The following PRKCB variants were observed in gnomAD, a reference collection of about 807,000 sequenced individuals.
The protein encoded by PRKCB is protein kinase C beta, also known as protein kinase C beta type.
Under a neutral mutation model 81.5 loss-of-function variants are expected in PRKCB, and 13 were observed. The ratio of observed to expected loss-of-function variants is 0.16; its 90% CI spans 0.10 to 0.25. The LOEUF (loss-of-function observed/expected upper bound fraction) is 0.25, where lower values mean the gene tolerates loss of function less well. PRKCB is among the 10% of genes least tolerant of loss of function. PRKCB has a pLI of 1.00. For missense variants in PRKCB, 509 were observed against 875.7 expected (o/e 0.58, Z 5.29); for synonymous variants, 335 against 321.4 (o/e 1.04, Z -0.45).
intron 2 of PRKCB, among the ~76,000 whole-genome samples, chr16:23,847,854 A>T (rs1962406332): frequency 6.6e-6 from 1 of 152,274 alleles, no homozygotes; most frequent in African/African-American, 2.4e-5. Flanking sequence ...AGAACAGCAC[A>T]TGGCCAATTA....
chr16:23,895,095 G>A (rs1026532230), intron 2 of PRKCB, among the ~76,000 whole-genome samples: 36 of 152,126 alleles, frequency 2.4e-4, no homozygotes, highest in African/African-American at 8.2e-4. Flanking sequence ...ATTTTTTCTG[G>A]TGTATTTCAT....
intron 12 of PRKCB, among the ~76,000 whole-genome samples, chr16:24,177,379 T>C (rs992944327): frequency 9.2e-5 from 14 of 152,208 alleles, no homozygotes; most frequent in African/African-American, 3.4e-4. Flanking sequence ...CATCTTCCAC[T>C]ATTAATATGG....
Position 23,973,331 on chromosome 16 carries a change from G to A in PRKCB, c.206-15177G>A, listed in dbSNP as rs368776870. On this transcript the variant is annotated intron_variant, in intron 2 of 16. Coordinates refer to ENST00000643927, the MANE Select transcript of PRKCB (RefSeq NM_002738.7). ...CAAGTAGCTGGGATTACAAGCACCCGCCACCACGCCCGGCTAATTTTTGTA... is the reference window on the plus strand; with the variant it reads ...CAAGTAGCTGGGATTACAAGCACCCACCACCACGCCCGGCTAATTTTTGTA... Among the ~76,000 whole-genome samples the A allele has an allele frequency of 7.2e-5, 11 of 152,138 alleles. No individual in the cohort carries two copies. In the East Asian group the frequency reaches 1.2e-3, roughly 16 times the overall value.
chr16:24,160,837 C>A (rs1002440334), intron 10 of PRKCB, among the ~76,000 whole-genome samples: 1 of 151,988 alleles, frequency 6.6e-6, no homozygotes, highest in Middle Eastern at 3.2e-3. Context: ...AGCAAGGGAG[C>A]GGGGCATGTG....
At chr16:23,995,118 T>G (rs1046287629) in intron 3 of PRKCB, among the ~76,000 whole-genome samples, 10 of 152,196 alleles carry the variant, frequency 6.6e-5, no homozygotes, top group African/African-American at 2.4e-4. Flanking sequence ...GATACCCCTT[T>G]TAACGTGAAG....
At chr16:24,002,130 C>T (rs1332636236) in intron 3 of PRKCB, among the ~76,000 whole-genome samples, 2 of 152,104 alleles carry the variant, frequency 1.3e-5, no homozygotes, top group Non-Finnish European at 2.9e-5. Context: ...CAGCTAGTGG[C>T]TGGGCCGATG....
intron 5 of PRKCB, among the ~76,000 whole-genome samples, chr16:24,047,770 C>T (rs1295905677): frequency 6.6e-6 from 1 of 152,206 alleles, no homozygotes; most frequent in Non-Finnish European, 1.5e-5. Flanking sequence ...TCTTATCTTT[C>T]AGTGGCTTTA....
chr16:23,839,097 C>T (rs1176961962), intron 2 of PRKCB, among the ~76,000 whole-genome samples: 7 of 152,076 alleles, frequency 4.6e-5, no homozygotes, highest in African/African-American at 1.7e-4. Flanking sequence ...TCTTCTATGC[C>T]ACCTGCTCTG....
intron 2 of PRKCB, among the ~76,000 whole-genome samples, chr16:23,942,093 G>A (rs1391452318): frequency 6.6e-6 from 1 of 152,170 alleles, no homozygotes; most frequent in African/African-American, 2.4e-5. Flanking sequence ...CTTTCTTAGA[G>A]AGCATCTCTA....
At chr16:23,921,491 A>T (rs1272773007) in intron 2 of PRKCB, among the ~76,000 whole-genome samples, 2 of 152,096 alleles carry the variant, frequency 1.3e-5, no homozygotes, top group African/African-American at 2.4e-5. Context: ...GGGAAGAAAT[A>T]AGGGTTGAGG....
At chr16:23,905,158 T>C (rs1963540219) in intron 2 of PRKCB, among the ~76,000 whole-genome samples, 1 of 151,782 alleles carries the variant, frequency 6.6e-6, no homozygotes, top group South Asian at 2.1e-4. Context: ...CCCTGGAATG[T>C]GGCCGCAGGG....
At chr16:23,849,837 G>A (rs573823486) in intron 2 of PRKCB, among the ~76,000 whole-genome samples, 1 of 152,070 alleles carries the variant, frequency 6.6e-6, no homozygotes, top group African/African-American at 2.4e-5. Context: ...TTTTTATGGT[G>A]AGACATTTGA....
intron 2 of PRKCB, among the ~76,000 whole-genome samples, chr16:23,854,110 C>A (rs1962522236): frequency 6.6e-6 from 1 of 151,438 alleles, no homozygotes; most frequent in Non-Finnish European, 1.5e-5. Context: ...TACCTTCCGC[C>A]AGGTCCTTCT....
chr16:23,904,672 A>G (rs1963529833), intron 2 of PRKCB, among the ~76,000 whole-genome samples: 1 of 152,196 alleles, frequency 6.6e-6, no homozygotes, highest in Non-Finnish European at 1.5e-5. Flanking sequence ...CAAAAGAACA[A>G]CAACAACAAC....
intron 2 of PRKCB, among the ~76,000 whole-genome samples, chr16:23,858,720 GCA>G (rs1962615456): frequency 6.6e-6 from 1 of 152,156 alleles, no homozygotes; most frequent in Non-Finnish European, 1.5e-5. Context: ...TGAGAACTAT[GCA>G]AGCTGTTGAG....
At chr16:24,114,760 G>C (rs184708750) in intron 8 of PRKCB, among the ~76,000 whole-genome samples, 1 of 152,034 alleles carries the variant, frequency 6.6e-6, no homozygotes, top group African/African-American at 2.4e-5. Context: ...GATAAACCAT[G>C]ATGGCCTACT....
chr16:24,108,334 T>TTA (rs1966606642), intron 7 of PRKCB, among the ~76,000 whole-genome samples: 1 of 140,152 alleles, frequency 7.1e-6, no homozygotes, highest in Middle Eastern at 3.4e-3. Context: ...TTTTATTTTA[T>TTA]TTTTTTTTAA....
At chr16:23,944,754 C>G (rs1436846068) in intron 2 of PRKCB, among the ~76,000 whole-genome samples, 1 of 152,220 alleles carries the variant, frequency 6.6e-6, no homozygotes, top group African/African-American at 2.4e-5. Flanking sequence ...CCTCCATCAC[C>G]TGCTCATAAA....
Position 23,975,625 on chromosome 16 carries a change from G to A in PRKCB, c.206-12883G>A, listed in dbSNP as rs577348898. Among the ~76,000 whole-genome samples, 43 of 152,194 alleles carry A rather than the reference G, an allele frequency of 2.8e-4. 1 individual carries two copies. The South Asian group carries it at 6.4e-3, about 23-fold the overall frequency. On this transcript the variant is annotated intron_variant, in intron 2 of 16. Coordinates refer to ENST00000643927, the MANE Select transcript of PRKCB (RefSeq NM_002738.7). ...CCACTGAAACTCCTAGGTGCATTACGTCTTCTGCAATATCTAAAGGAATTA... is the reference window on the plus strand; with the variant it reads ...CCACTGAAACTCCTAGGTGCATTACATCTTCTGCAATATCTAAAGGAATTA...
Sources: gnomAD v4.1 joint callset for allele counts (sites outside exome capture counted in the v4.1 genomes callset) on GRCh38, gnomAD v4.1.1 for gene constraint, MANE v1.5 for transcripts, NCBI Gene and HGNC (gene_info 2026-07-23, HGNC 2026-07-21) for gene names.